Variants in PTPN12 observed in about 807,000 individuals in gnomAD.
The protein encoded by PTPN12 is tyrosine-protein phosphatase non-receptor type 12.
Under a neutral mutation model 97.6 loss-of-function variants are expected in PTPN12, and 29 were observed. The observed-to-expected ratio is 0.30, with a 90% confidence interval of 0.22 to 0.41. The LOEUF is 0.41. Among genes scored for constraint, PTPN12 ranks in the 10% least tolerant of loss-of-function variants. PTPN12 has a pLI of 1.00. For missense variants in PTPN12, 819 were observed against 926.0 expected, an observed-to-expected ratio of 0.88 and a Z score of 1.50; for synonymous variants, 327 against 300.4, an observed-to-expected ratio of 1.09 and a Z score of -0.91.
intron 1 of PTPN12, among the ~76,000 whole-genome samples, chr7:77,545,282 A>G (rs757756192): frequency 6.6e-6 from 1 of 152,174 alleles, no homozygotes; most frequent in Non-Finnish European, 1.5e-5. Flanking sequence ...TTCCTCATCC[A>G]GTCCATTCAA....
At chr7:77,581,126 G>A (rs1787503798) in intron 2 of PTPN12, among the ~76,000 whole-genome samples, 1 of 152,128 alleles carries the variant, frequency 6.6e-6, no homozygotes, top group Non-Finnish European at 1.5e-5. Context: ...AGGCTAGAGT[G>A]CAGTGGCGCA....
intron 14 of PTPN12, 53 bp downstream of exon 14, chr7:77,632,478 G>T (rs529013786): frequency 1.5e-6 from 2 of 1,329,394 alleles, no homozygotes. Context: ...AATAAACTCC[G>T]AAAAACATAC....
chr7:77,614,784 G>A (rs1788695115), intron 11 of PTPN12, among the ~76,000 whole-genome samples: 2 of 152,158 alleles, frequency 1.3e-5, no homozygotes, highest in Admixed American at 1.3e-4. Context: ...GAAATGACTT[G>A]AAAGGTGTAT....
chr7:77,630,026 C>G (rs1423317159), intron 13 of PTPN12, among the ~76,000 whole-genome samples: 5 of 149,970 alleles, frequency 3.3e-5, no homozygotes, highest in African/African-American at 1.2e-4. Flanking sequence ...TTTTGTATTT[C>G]AAAGCAAAAA....
intron 1 of PTPN12, 25 bp downstream of exon 1, chr7:77,537,670 G>T: frequency 6.4e-7 from 1 of 1,565,944 alleles, no homozygotes; most frequent in Non-Finnish European, 8.6e-7. Flanking sequence ...TCGCTGTCGC[G>T]TTTTCTTGCC....
intron 1 of PTPN12, among the ~76,000 whole-genome samples, chr7:77,541,821 TG>T (rs1376722127): frequency 6.6e-6 from 1 of 152,218 alleles, no homozygotes; most frequent in African/African-American, 2.4e-5. Context: ...ACCCAGACTG[TG>T]CAGAACTATG....
chr7:77,546,487 A>C (rs556488219), intron 1 of PTPN12, among the ~76,000 whole-genome samples: 2 of 152,326 alleles, frequency 1.3e-5, no homozygotes, highest in East Asian at 3.9e-4. Flanking sequence ...GTTTCTTTAG[A>C]TTCATGCAGT....
chr7:77,635,127 A>T (rs1789543248), intron 14 of PTPN12, among the ~76,000 whole-genome samples: 1 of 152,204 alleles, frequency 6.6e-6, no homozygotes, highest in African/African-American at 2.4e-5. Flanking sequence ...GACTGATTTT[A>T]AGATAAATGT....
chr7:77,621,852 C>T (rs762435645), intron 12 of PTPN12, among the ~76,000 whole-genome samples: 1 of 152,232 alleles, frequency 6.6e-6, no homozygotes, highest in Non-Finnish European at 1.5e-5. Flanking sequence ...AATTTTTCAG[C>T]TCCATTATAA....
At chr7:77,567,332 A>C (rs1331909860) in intron 1 of PTPN12, among the ~76,000 whole-genome samples, 1 of 152,184 alleles carries the variant, frequency 6.6e-6, no homozygotes, top group African/African-American at 2.4e-5. Context: ...AAGAAATGTA[A>C]GTGTTCTAAA....
At chr7:77,570,102 G>A (rs1185248306) in intron 1 of PTPN12, among the ~76,000 whole-genome samples, 1 of 152,168 alleles carries the variant, frequency 6.6e-6, no homozygotes, top group Non-Finnish European at 1.5e-5. Context: ...TTGTGCCAGT[G>A]CAGAATAAGA....
At chr7:77,590,287 A>T (rs1193607298) in intron 5 of PTPN12, among the ~76,000 whole-genome samples, 1 of 152,252 alleles carries the variant, frequency 6.6e-6, no homozygotes. Context: ...AATGAGGGGC[A>T]TTGTTAGTCA....
At chr7:77,590,983 G>A (rs966223415) in intron 5 of PTPN12, among the ~76,000 whole-genome samples, 8 of 152,110 alleles carry the variant, frequency 5.3e-5, no homozygotes, top group Non-Finnish European at 7.3e-5. Flanking sequence ...GCTGCAGTGA[G>A]CCGTGATTGC....
chr7:77,611,378 C>G (rs1056315562), intron 11 of PTPN12, among the ~76,000 whole-genome samples: 8 of 152,106 alleles, frequency 5.3e-5, no homozygotes, highest in Non-Finnish European at 1.0e-4. Flanking sequence ...CCAAGTAATT[C>G]TGCATTGATT....
At chr7:77,540,584 C>T (rs1461096008) in intron 1 of PTPN12, among the ~76,000 whole-genome samples, 1 of 150,778 alleles carries the variant, frequency 6.6e-6, no homozygotes. Flanking sequence ...TTCCATGATA[C>T]CTAGGTATAG....
intron 12 of PTPN12, among the ~76,000 whole-genome samples, chr7:77,621,051 C>CATAT (rs34626577): frequency 1.7e-4 from 26 of 148,826 alleles, no homozygotes; most frequent in Middle Eastern, 3.6e-3. Context: ...TGCTTGAATC[C>CATAT]ATATATATAT....
chr7:77,546,132 A>G (rs938962854), intron 1 of PTPN12, among the ~76,000 whole-genome samples: 6 of 152,088 alleles, frequency 3.9e-5, no homozygotes, highest in Non-Finnish European at 8.8e-5. Flanking sequence ...GGGTTTCACC[A>G]TGTTGGCCAG....
intron 1 of PTPN12, among the ~76,000 whole-genome samples, chr7:77,549,770 C>T (rs1324327288): frequency 2.0e-5 from 3 of 151,722 alleles, no homozygotes; most frequent in Non-Finnish European, 2.9e-5. Context: ...TTTGTAGAGA[C>T]GAGGTCTTAC....
At position 77,625,510 on chromosome 7, in the gene PTPN12, T is replaced by TCTCTCTCA. The variant is rs1789126443; in HGVS notation, c.1026-1188_1026-1187insACTCTCTC. 4.0e-3 allele frequency among the ~76,000 whole-genome samples: 402 copies of TCTCTCTCA among 100,360 alleles called. 40 individuals are homozygous for TCTCTCTCA. The highest frequency in any genetic ancestry group is 5.2e-3 in the African/African-American group (118 of 22,634). The allele number at this position is 100,360 out of a possible 152,430, so 65.8% of individuals were successfully genotyped here. Reference sequence around the variant, plus strand: ...CTCTCTCTCTCTCTCTCTCTCTCTCTCTCTCTCTCTCTCACTCTCACTCTC... The same window carrying TCTCTCTCA: ...CTCTCTCTCTCTCTCTCTCTCTCTCTCTCTCTCACTCTCTCTCTCTCACTCTCACTCTC... On this transcript the variant is annotated intron_variant, in intron 12 of 17. Transcript: ENST00000248594.
Sources: allele counts gnomAD v4.1 joint callset (sites outside exome capture counted in the v4.1 genomes callset), GRCh38; gene constraint gnomAD v4.1.1; transcripts MANE v1.5; gene names NCBI Gene and HGNC (gene_info 2026-07-23, HGNC 2026-07-21).